The following EXOC4 variants were observed in gnomAD, a reference collection of about 807,000 sequenced individuals.
EXOC4 encodes exocyst complex component 4.
A neutral mutation model predicts 107.2 loss-of-function variants in EXOC4; 71 were observed. That is an observed-to-expected ratio of 0.66 (90% CI 0.55 to 0.81). The LOEUF (loss-of-function observed/expected upper bound fraction) is 0.81, where lower values mean the gene tolerates loss of function less well. Ranked by LOEUF, EXOC4 falls within the 30% of genes least tolerant of loss-of-function variation. EXOC4 has a pLI of 0.00. For missense variants in EXOC4, 1,108 were observed against 1,189.6 expected, an observed-to-expected ratio of 0.93 and a Z score of 1.01; for synonymous variants, 456 against 441.2, an observed-to-expected ratio of 1.03 and a Z score of -0.42.
chr7:133,729,457 T>G (rs1795281637), intron 10 of EXOC4, among the ~76,000 whole-genome samples: 2 of 152,044 alleles, frequency 1.3e-5, no homozygotes, highest in Non-Finnish European at 2.9e-5. Context: ...TTGAGGGCAC[T>G]GGGGAAGGGA....
intron 14 of EXOC4, among the ~76,000 whole-genome samples, chr7:133,950,521 C>T (rs986912926): frequency 7.1e-6 from 1 of 141,344 alleles, no homozygotes; most frequent in Non-Finnish European, 1.6e-5. Flanking sequence ...CCTTAGGCCT[C>T]AGGGTCTGCT....
intron 11 of EXOC4, among the ~76,000 whole-genome samples, chr7:133,884,921 A>C (rs1178057442): frequency 1.3e-5 from 2 of 152,224 alleles, no homozygotes; most frequent in Non-Finnish European, 2.9e-5. Context: ...TTGCCATTAT[A>C]GAAAATAATA....
intron 5 of EXOC4, among the ~76,000 whole-genome samples, chr7:133,320,771 ACT>A (rs1795092589): frequency 6.6e-6 from 1 of 152,154 alleles, no homozygotes; most frequent in South Asian, 2.1e-4. Context: ...AGTCTTTAGG[ACT>A]CTATTAATCT....
At chr7:133,829,122 G>T (rs1397602564) in intron 11 of EXOC4, among the ~76,000 whole-genome samples, 2 of 152,202 alleles carry the variant, frequency 1.3e-5, no homozygotes, top group African/African-American at 4.8e-5. Context: ...CAGTCACAAT[G>T]TAAGCAAAGA....
intron 6 of EXOC4, among the ~76,000 whole-genome samples, chr7:133,366,375 T>C (rs1796249338): frequency 6.6e-6 from 1 of 152,148 alleles, no homozygotes; most frequent in African/African-American, 2.4e-5. Context: ...TTTACTTCTC[T>C]AGGAAGTCTG....
At chr7:133,449,505 A>G (rs913681577) in intron 7 of EXOC4, among the ~76,000 whole-genome samples, 33 of 152,156 alleles carry the variant, frequency 2.2e-4, no homozygotes, top group African/African-American at 7.5e-4. Flanking sequence ...CTTTTAATAC[A>G]CTGTTTTTTC....
intron 2 of EXOC4, among the ~76,000 whole-genome samples, chr7:133,278,278 A>G (rs1435861253): frequency 6.6e-6 from 1 of 152,220 alleles, no homozygotes; most frequent in Non-Finnish European, 1.5e-5. Context: ...TCAGGTGTAG[A>G]AGTGAAGAAA....
intron 13 of EXOC4, among the ~76,000 whole-genome samples, chr7:133,932,931 A>G (rs912764479): frequency 1.3e-5 from 2 of 152,078 alleles, no homozygotes; most frequent in Admixed American, 6.5e-5. Flanking sequence ...AGAGAGAGAG[A>G]GAGGGAGAGA....
intron 9 of EXOC4, among the ~76,000 whole-genome samples, chr7:133,614,789 CAAAAAAAA>C (rs35947572): frequency 0.036 from 2,244 of 61,746 alleles, 82 homozygotes; most frequent in African/African-American, 0.14. Context: ...GTACATATGG[CAAAAAAAA>C]AAAAAAAAAA....
chr7:133,491,364 C>A (rs1284729840), intron 9 of EXOC4, among the ~76,000 whole-genome samples: 2 of 152,198 alleles, frequency 1.3e-5, no homozygotes, highest in Non-Finnish European at 2.9e-5. Context: ...TCAGCACCAG[C>A]TAACTCATTT....
At chr7:134,079,665 T>C in the EXOC4 span, among the ~76,000 whole-genome samples, 1 of 152,194 alleles carries the variant, frequency 6.6e-6, no homozygotes, top group Non-Finnish European at 1.5e-5. Context: ...GGCTATCCTG[T>C]CCCTCATTAA....
intron 9 of EXOC4, among the ~76,000 whole-genome samples, chr7:133,549,729 CA>C (rs1307524244): frequency 1.3e-5 from 2 of 152,058 alleles, no homozygotes; most frequent in Admixed American, 1.3e-4. Flanking sequence ...AAGCATACTT[CA>C]AAAAACATGT....
intron 7 of EXOC4, among the ~76,000 whole-genome samples, chr7:133,395,840 C>A (rs1213785932): frequency 2.0e-5 from 3 of 151,956 alleles, no homozygotes; most frequent in African/African-American, 4.8e-5. Flanking sequence ...CCAAAATTTT[C>A]TCTTTAGGGA....
At chr7:133,496,146 G>T (rs541330147) in intron 9 of EXOC4, among the ~76,000 whole-genome samples, 7 of 151,964 alleles carry the variant, frequency 4.6e-5, no homozygotes, top group South Asian at 2.1e-4. Context: ...AGCATTTTTT[G>T]TTGTTGTTGT....
intron 3 of EXOC4, among the ~76,000 whole-genome samples, chr7:133,298,644 T>G (rs917314445): frequency 6.6e-6 from 1 of 152,188 alleles, no homozygotes; most frequent in Non-Finnish European, 1.5e-5. Context: ...TCTTACCGTG[T>G]TACGTATAGT....
At chr7:133,353,574 C>G (rs1795958811) in intron 5 of EXOC4, among the ~76,000 whole-genome samples, 1 of 152,046 alleles carries the variant, frequency 6.6e-6, no homozygotes, top group African/African-American at 2.4e-5. Flanking sequence ...AAGATTCTCT[C>G]TTTGTATTTT....
At chr7:133,460,727 A>G (rs1177570179) in intron 7 of EXOC4, among the ~76,000 whole-genome samples, 1 of 152,208 alleles carries the variant, frequency 6.6e-6, no homozygotes, top group Non-Finnish European at 1.5e-5. Flanking sequence ...AGACAGAAGA[A>G]TTTTCCTTAT....
At chr7:133,520,479 G>T (rs1799959083) in intron 9 of EXOC4, among the ~76,000 whole-genome samples, 1 of 152,010 alleles carries the variant, frequency 6.6e-6, no homozygotes, top group African/African-American at 2.4e-5. Flanking sequence ...AATCGATGAA[G>T]CAGATTTGAG....
At position 134,055,657 on chromosome 7, in the gene EXOC4, G is replaced by A. The variant is rs115333292; in HGVS notation, c.2688-8634G>A. 8.5e-3 allele frequency among the ~76,000 whole-genome samples: 1,297 copies of A among 152,252 alleles called. 22 individuals carry two copies. Among genetic ancestry groups the A allele is most frequent in the African/African-American group, 0.03 (1,260 of 41,534 alleles). The stretch of plus-strand genomic sequence containing the variant: ...TTTCCAACCCTGGTCGTCATTTGGA[G>A]CAGAAGCATTGTTTTTATCCCTTGT... On this transcript the variant is annotated intron_variant, in intron 17 of 17. Transcript: ENST00000253861.
Sources: allele counts gnomAD v4.1 joint callset (sites outside exome capture counted in the v4.1 genomes callset), GRCh38; gene constraint gnomAD v4.1.1; transcripts MANE v1.5; gene names NCBI Gene and HGNC (gene_info 2026-07-23, HGNC 2026-07-21).